Variants in SYN3 observed in about 807,000 individuals in gnomAD.
The protein encoded by SYN3 is synapsin-3.
SYN3 carries 35 observed loss-of-function variants against 65.8 expected under a neutral mutation model. The observed-to-expected ratio is 0.53, with a 90% CI of 0.41 to 0.70. SYN3 has a LOEUF of 0.70. Among genes scored for constraint, SYN3 ranks in the 30% least tolerant of loss-of-function variants. SYN3 has a pLI of 0.00. For missense variants in SYN3, 680 were observed against 749.0 expected (o/e 0.91, Z 1.08); for synonymous variants, 270 against 292.9 (o/e 0.92, Z 0.80).
chr22:32,594,527 G>C, intron 7 of SYN3, among the ~76,000 whole-genome samples: 1 of 147,552 alleles, frequency 6.8e-6, no homozygotes, highest in South Asian at 2.1e-4. Flanking sequence ...CACTCTTGTT[G>C]CCCAGGCTGG....
At chr22:32,869,689 G>GTTTTT (rs1288480674) in intron 4 of SYN3, among the ~76,000 whole-genome samples, 2 of 118,444 alleles carry the variant, frequency 1.7e-5, no homozygotes. Flanking sequence ...AACACATCTT[G>GTTTTT]GTTTTTTTTT....
intron 1 of SYN3, among the ~76,000 whole-genome samples, chr22:33,031,902 C>T (rs2053761666): frequency 6.6e-6 from 1 of 152,080 alleles, no homozygotes; most frequent in South Asian, 2.1e-4. Context: ...AATGGACCAA[C>T]ATTAATGTTG....
At chr22:32,852,058 G>A (rs556288169) in intron 6 of SYN3, among the ~76,000 whole-genome samples, 1 of 152,198 alleles carries the variant, frequency 6.6e-6, no homozygotes, top group African/African-American at 2.4e-5. Flanking sequence ...CATTTACTGA[G>A]CAATTGCTTA....
intron 7 of SYN3, among the ~76,000 whole-genome samples, chr22:32,558,431 C>G (rs980778718): frequency 6.6e-6 from 1 of 152,244 alleles, no homozygotes; most frequent in Admixed American, 6.5e-5. Context: ...TGAAAGCACC[C>G]AGCTAGTAAG....
Position 32,838,778 on chromosome 22 carries a change from C to T in SYN3, c.711+26137G>A, listed in dbSNP as rs532251715. 1.4e-3 allele frequency among the ~76,000 whole-genome samples: 216 copies of T among 152,090 alleles called. 1 individual carries two copies. Among genetic ancestry groups the T allele is most frequent in the African/African-American group, 4.9e-3 (203 of 41,502 alleles). On this transcript the variant is annotated intron_variant, in intron 6 of 13. Transcript: ENST00000358763. Reference sequence around the variant, plus strand: ...ATCCCCGTCTTCGTTATTGTATTACCTTTGGTTCCCTCCCACAGCCTCATT... The same window carrying T: ...ATCCCCGTCTTCGTTATTGTATTACTTTTGGTTCCCTCCCACAGCCTCATT...
chr22:32,822,924 AACAAC>A (rs775311451), intron 6 of SYN3, among the ~76,000 whole-genome samples: 61 of 22,248 alleles, frequency 2.7e-3, no homozygotes, highest in Non-Finnish European at 4.3e-3. Flanking sequence ...CAACAACAAC[AACAAC>A]AAAAAAAAAA....
intron 3 of SYN3, among the ~76,000 whole-genome samples, chr22:32,967,355 T>G (rs1011255921): frequency 6.6e-6 from 1 of 152,210 alleles, no homozygotes; most frequent in East Asian, 1.9e-4. Context: ...TCCTATGTGA[T>G]ACTAAAGATA....
At position 32,902,058 on chromosome 22, in the gene SYN3, T is replaced by C. The variant is rs117648609; in HGVS notation, c.461+29332A>G. 9.4e-4 allele frequency among the ~76,000 whole-genome samples: 142 copies of C among 151,744 alleles called. 3 individuals carry two copies. In the East Asian group the frequency reaches 0.026, roughly 28 times the overall value. ...CACAGCTTTGTTGGGCACATGAGAA[T>C]GGAACCAGAAGACCCCCAACTCTAC... On this transcript the variant is annotated intron_variant, in intron 4 of 13. Transcript: ENST00000358763.
intron 7 of SYN3, among the ~76,000 whole-genome samples, chr22:32,551,740 G>T (rs571039678): frequency 3.9e-5 from 6 of 152,120 alleles, no homozygotes; most frequent in African/African-American, 1.4e-4. Context: ...AGAAGCTTTT[G>T]TGTGTTAGAA....
intron 1 of SYN3, among the ~76,000 whole-genome samples, chr22:33,008,819 GGA>G (rs1165775105): frequency 6.6e-6 from 1 of 151,348 alleles, no homozygotes; most frequent in Non-Finnish European, 1.5e-5. Flanking sequence ...CAGCTACTGG[GGA>G]GGCTGAGGCA....
intron 6 of SYN3, among the ~76,000 whole-genome samples, chr22:32,820,241 C>CGT (rs2047199020): frequency 7.8e-6 from 1 of 127,702 alleles, no homozygotes; most frequent in Non-Finnish European, 1.7e-5. Context: ...TCCTTTCTCC[C>CGT]CTGTGTGTGT....
intron 7 of SYN3, among the ~76,000 whole-genome samples, chr22:32,546,444 G>T (rs774472375): frequency 6.6e-6 from 1 of 152,174 alleles, no homozygotes; most frequent in Non-Finnish European, 1.5e-5. Context: ...TCTTGGGTAG[G>T]TGCTACGCTC....
chr22:32,950,835 T>G (rs2051268841), intron 3 of SYN3, among the ~76,000 whole-genome samples: 2 of 152,112 alleles, frequency 1.3e-5, no homozygotes, highest in South Asian at 4.1e-4. Context: ...TTGCCGTTCC[T>G]CCTTTGGTTG....
chr22:33,019,387 A>G (rs1348305704), intron 1 of SYN3, among the ~76,000 whole-genome samples: 1 of 152,186 alleles, frequency 6.6e-6, no homozygotes, highest in African/African-American at 2.4e-5. Context: ...ACAGGTTTCA[A>G]AGGCAGACAG....
intron 1 of SYN3, among the ~76,000 whole-genome samples, chr22:33,008,330 T>C (rs1402293843): frequency 2.0e-5 from 3 of 152,246 alleles, no homozygotes; most frequent in Non-Finnish European, 4.4e-5. Flanking sequence ...TATACTGGTA[T>C]AATGTTTATT....
intron 1 of SYN3, among the ~76,000 whole-genome samples, chr22:33,056,591 C>G (rs760548878): frequency 1.3e-5 from 2 of 152,238 alleles, no homozygotes; most frequent in African/African-American, 4.8e-5. Flanking sequence ...CTCTCTTGCA[C>G]TGCACCATAG....
In SYN3 at chr22:32,697,506, T is replaced by C. The variant is rs114968607; in HGVS notation, c.712-100770A>G. On this transcript the variant is annotated intron_variant, in intron 6 of 13. Coordinates refer to ENST00000358763, the MANE Select transcript of SYN3 (RefSeq NM_003490.4). ...TTTTTGAATGAATAAATGCCAAATG[T>C]ACATAATGTAATGCCTGGCACGTTG... Among the ~76,000 whole-genome samples, 447 of 152,350 alleles carry C rather than the reference T, an allele frequency of 2.9e-3. 4 individuals are homozygous for C. Among genetic ancestry groups the C allele is most frequent in the African/African-American group, 0.01 (423 of 41,586 alleles).
chr22:32,550,521 G>C (rs530418426), intron 7 of SYN3, among the ~76,000 whole-genome samples: 99 of 151,996 alleles, frequency 6.5e-4, no homozygotes, highest in Non-Finnish European at 1.1e-3. Flanking sequence ...TAGTAATAAT[G>C]CTATTAGGAC....
intron 6 of SYN3, among the ~76,000 whole-genome samples, chr22:32,713,652 A>C (rs1158076504): frequency 1.3e-5 from 2 of 152,090 alleles, no homozygotes; most frequent in Non-Finnish European, 2.9e-5. Context: ...AACACGGTGA[A>C]ACCCCGTCTC....
Sources: allele counts gnomAD v4.1 joint callset (sites outside exome capture counted in the v4.1 genomes callset), GRCh38; gene constraint gnomAD v4.1.1; transcripts MANE v1.5; gene names NCBI Gene and HGNC (gene_info 2026-07-23, HGNC 2026-07-21).